Variants in ANKS1B observed in about 807,000 individuals in gnomAD.
ANKS1B encodes ankyrin repeat and sterile alpha motif domain containing 1B, also known as ankyrin repeat and sterile alpha motif domain-containing protein 1B.
ANKS1B carries 36 observed loss-of-function variants against 148.3 expected under a neutral mutation model. The observed-to-expected ratio is 0.24, with a 90% CI of 0.19 to 0.32. The LOEUF (loss-of-function observed/expected upper bound fraction) is 0.32, where lower values mean the gene tolerates loss of function less well. Among genes scored for constraint, ANKS1B ranks in the 10% least tolerant of loss-of-function variants. The pLI, the probability that ANKS1B is intolerant of heterozygous loss-of-function variation, is 1.00. For missense variants in ANKS1B, 1,157 were observed against 1,542.6 expected (o/e 0.75, Z 4.19); for synonymous variants, 542 against 560.8 (o/e 0.97, Z 0.47).
chr12:98,792,421 A>C (rs1379261376), intron 22 of ANKS1B, among the ~76,000 whole-genome samples: 1 of 152,152 alleles, frequency 6.6e-6, no homozygotes, highest in African/African-American at 2.4e-5. Flanking sequence ...TCATACCTGG[A>C]ACCTTAAACA....
chr12:99,297,533 A>C (rs1157072862), intron 12 of ANKS1B, among the ~76,000 whole-genome samples: 1 of 152,250 alleles, frequency 6.6e-6, no homozygotes, highest in Non-Finnish European at 1.5e-5. Context: ...AATGGAGATA[A>C]GAAATGAATA....
At chr12:98,789,683 C>G (rs1286081960) in intron 22 of ANKS1B, among the ~76,000 whole-genome samples, 1 of 151,944 alleles carries the variant, frequency 6.6e-6, no homozygotes, top group Non-Finnish European at 1.5e-5. Context: ...AGGGTGTTAC[C>G]CATAGTACTG....
chr12:99,572,773 T>C (rs2097473215), intron 9 of ANKS1B, among the ~76,000 whole-genome samples: 1 of 152,098 alleles, frequency 6.6e-6, no homozygotes, highest in African/African-American at 2.4e-5. Context: ...TTGTAAATTA[T>C]AATAATTCCC....
intron 12 of ANKS1B, among the ~76,000 whole-genome samples, chr12:99,357,633 T>G (rs914261259): frequency 6.6e-6 from 1 of 152,170 alleles, no homozygotes; most frequent in Non-Finnish European, 1.5e-5. Context: ...GAGATGTAAT[T>G]GCCTTGGTGG....
At chr12:99,355,777 T>C (rs1278187447) in intron 12 of ANKS1B, among the ~76,000 whole-genome samples, 1 of 152,174 alleles carries the variant, frequency 6.6e-6, no homozygotes, top group African/African-American at 2.4e-5. Flanking sequence ...GCTTACACCA[T>C]GTACCTGTCC....
At chr12:99,501,089 GT>G (rs77983761) in intron 10 of ANKS1B, among the ~76,000 whole-genome samples, 12 of 149,120 alleles carry the variant, frequency 8.0e-5, no homozygotes, top group African/African-American at 2.2e-4. Context: ...ATTTCTAAAA[GT>G]TTTTTTTTTC....
intron 12 of ANKS1B, among the ~76,000 whole-genome samples, chr12:99,301,921 G>A (rs900437479): frequency 1.8e-4 from 28 of 152,108 alleles, no homozygotes; most frequent in African/African-American, 4.3e-4. Flanking sequence ...ATTTAAAAGC[G>A]GGAAAAGGAT....
chr12:99,805,188 C>CA (rs1317437650), intron 4 of ANKS1B, among the ~76,000 whole-genome samples: 1 of 129,312 alleles, frequency 7.7e-6, no homozygotes, highest in Non-Finnish European at 1.6e-5. Flanking sequence ...TGACAGAAAG[C>CA]AAAAAAGTCT....
At chr12:98,883,488 C>T (rs924990542) in intron 17 of ANKS1B, among the ~76,000 whole-genome samples, 2 of 152,152 alleles carry the variant, frequency 1.3e-5, no homozygotes, top group African/African-American at 4.8e-5. Context: ...CAGAGCTGTG[C>T]TTGATGAAGG....
chr12:99,056,198 T>G (rs1056105661), intron 16 of ANKS1B, among the ~76,000 whole-genome samples: 1 of 152,194 alleles, frequency 6.6e-6, no homozygotes, highest in African/African-American at 2.4e-5. Context: ...AGTCTCTCCC[T>G]CATGGAGATT....
At chr12:99,637,611 T>C (rs934250371) in intron 9 of ANKS1B, among the ~76,000 whole-genome samples, 1 of 151,956 alleles carries the variant, frequency 6.6e-6, no homozygotes, top group African/African-American at 2.4e-5. Flanking sequence ...GAAAAGAATA[T>C]GCTGGCTTAG....
intron 8 of ANKS1B, among the ~76,000 whole-genome samples, chr12:99,734,100 G>A (rs11110018): frequency 0.23 from 35,161 of 151,996 alleles, 4,657 homozygotes; most frequent in Non-Finnish European, 0.31. Context: ...ATTTCTCAGC[G>A]AATGAATATT....
At chr12:99,810,374 CAAG>C (rs1231785040) in intron 3 of ANKS1B, among the ~76,000 whole-genome samples, 2 of 151,530 alleles carry the variant, frequency 1.3e-5, no homozygotes, top group African/African-American at 4.8e-5. Context: ...TTATAATTAA[CAAG>C]AAGATTCTGT....
At chr12:99,032,943 A>G (rs1237706651) in intron 17 of ANKS1B, among the ~76,000 whole-genome samples, 2 of 152,366 alleles carry the variant, frequency 1.3e-5, no homozygotes, top group Non-Finnish European at 2.9e-5. Context: ...ATCAGTAAGT[A>G]TATCATGGTA....
intron 21 of ANKS1B, among the ~76,000 whole-genome samples, chr12:98,800,313 C>T (rs953573892): frequency 6.6e-6 from 1 of 151,056 alleles, no homozygotes; most frequent in Non-Finnish European, 1.5e-5. Context: ...TGGTAAAATC[C>T]TTATCTTTTA....
In ANKS1B at chr12:99,825,373, T is replaced by C; in HGVS notation, c.151A>G (p.Asn51Asp). 3.7e-6 allele frequency: 6 copies of C among 1,611,260 alleles called. No homozygotes were observed. Among genetic ancestry groups the C allele is most frequent in the Non-Finnish European group, 5.1e-6 (6 of 1,178,680 alleles). ...CCCGAACTGTCTGTGCAGTTCACAT[T>C]GGGGCCTCGCCAGATGCTGCAAATA... Reference protein sequence around the residue: ...SNLLSIWRGPNVNCTDSSGYT... With the variant: ...SNLLSIWRGPDVNCTDSSGYT... Residue 51 changes from asparagine (N) to aspartate (D), a missense_variant, in exon 2 of 27, where the codon AAT (asparagine) becomes GAT (aspartate). Around this residue, in one of 6 missense-constraint regions of ANKS1B, gnomAD observed 164 missense variants for 232.6 expected, o/e 0.71. Transcript: ENST00000683438.
chr12:99,187,102 A>G (rs1051719480), intron 14 of ANKS1B, among the ~76,000 whole-genome samples: 4 of 151,950 alleles, frequency 2.6e-5, no homozygotes, highest in African/African-American at 9.7e-5. Context: ...TTGAAGATCA[A>G]CTTAATGAAA....
chr12:99,856,513 A>C (rs747773573), intron 1 of ANKS1B, among the ~76,000 whole-genome samples: 3 of 152,110 alleles, frequency 2.0e-5, no homozygotes, highest in Non-Finnish European at 4.4e-5. Flanking sequence ...AAAAGAGGGA[A>C]TCCTCCATAA....
At chr12:99,682,273 T>G (rs1376004526) in intron 8 of ANKS1B, among the ~76,000 whole-genome samples, 2 of 152,210 alleles carry the variant, frequency 1.3e-5, no homozygotes, top group Non-Finnish European at 2.9e-5. Context: ...AACAGATATT[T>G]GCAGAACATT....
Sources: gnomAD v4.1 joint callset for allele counts (sites outside exome capture counted in the v4.1 genomes callset) on GRCh38, gnomAD v4.1.1 for gene constraint, gnomAD v4.1.1 regional missense constraint, MANE v1.5 for transcripts, NCBI Gene and HGNC (gene_info 2026-07-23, HGNC 2026-07-21) for gene names.